SHISA6: variants seen among roughly 807,000 people sequenced by gnomAD.
SHISA6 encodes shisa family member 6, also known as protein shisa-6.
In SHISA6, 22 loss-of-function variants were observed where a neutral mutation model predicts 47.9. The observed-to-expected ratio is 0.46, with a 90% CI of 0.33 to 0.66. The LOEUF is 0.66. SHISA6 is among the 30% of genes least tolerant of loss of function. The probability of loss-of-function intolerance (pLI) is 0.02; values close to 1 mark genes in which losing one functional copy is unlikely to be tolerated. For synonymous variants in SHISA6, 388 were observed against 337.8 expected (o/e 1.15, Z -1.63); for missense variants, 680 against 764.6 (o/e 0.89, Z 1.30).
At chr17:11,322,718 G>A (rs1012736224) in intron 2 of SHISA6, among the ~76,000 whole-genome samples, 17 of 152,092 alleles carry the variant, frequency 1.1e-4, no homozygotes, top group African/African-American at 3.9e-4. Flanking sequence ...AATTTCTTAT[G>A]TGCATACATG....
At chr17:11,281,308 C>G (rs1292522171) in intron 2 of SHISA6, among the ~76,000 whole-genome samples, 1 of 152,110 alleles carries the variant, frequency 6.6e-6, no homozygotes, top group Non-Finnish European at 1.5e-5. Context: ...TGCCCTTTAT[C>G]AAATAGGAAG....
intron 2 of SHISA6, among the ~76,000 whole-genome samples, chr17:11,330,300 C>A (rs1006037751): frequency 2.0e-5 from 3 of 152,062 alleles, no homozygotes; most frequent in African/African-American, 7.2e-5. Flanking sequence ...GAACAGCATT[C>A]TTGTGGAAAG....
At chr17:11,367,143 G>C (rs185395558) in intron 2 of SHISA6, among the ~76,000 whole-genome samples, 64 of 152,262 alleles carry the variant, frequency 4.2e-4, no homozygotes, top group Non-Finnish European at 6.5e-4. Flanking sequence ...GAAATGGGAC[G>C]GTGACTTGGC....
chr17:11,311,138 C>T (rs1422711816), intron 2 of SHISA6, among the ~76,000 whole-genome samples: 13 of 144,938 alleles, frequency 9.0e-5, no homozygotes, highest in Non-Finnish European at 1.8e-4. Flanking sequence ...AAAAATTAGC[C>T]GGGTGTGGTG....
At chr17:11,450,394 C>T (rs372296831) in intron 3 of SHISA6, among the ~76,000 whole-genome samples, 1 of 152,064 alleles carries the variant, frequency 6.6e-6, no homozygotes. Context: ...CAGTGGCTCA[C>T]GCCTGTAATC....
chr17:11,453,811 CAA>C (rs1263681784), intron 3 of SHISA6, among the ~76,000 whole-genome samples: 1 of 152,142 alleles, frequency 6.6e-6, no homozygotes, highest in African/African-American at 2.4e-5. Context: ...CAAAAGGTTG[CAA>C]ACTTATGATT....
chr17:11,522,525 G>A (rs2071639530), intron 3 of SHISA6, among the ~76,000 whole-genome samples: 1 of 152,182 alleles, frequency 6.6e-6, no homozygotes. Context: ...AATTAGGATA[G>A]TCTAAGGGTG....
chr17:11,526,364 C>T (rs2071681430), intron 3 of SHISA6, among the ~76,000 whole-genome samples: 1 of 152,170 alleles, frequency 6.6e-6, no homozygotes, highest in African/African-American at 2.4e-5. Context: ...TGGCAAGAGT[C>T]CTTGCCTAGT....
At chr17:11,444,832 G>A (rs1046424873) in intron 3 of SHISA6, among the ~76,000 whole-genome samples, 1 of 152,146 alleles carries the variant, frequency 6.6e-6, no homozygotes, top group Non-Finnish European at 1.5e-5. Flanking sequence ...GACTCTGAAC[G>A]TCCTGGCAAC....
intron 3 of SHISA6, among the ~76,000 whole-genome samples, chr17:11,403,706 G>A (rs1415187326): frequency 2.0e-5 from 3 of 152,198 alleles, no homozygotes; most frequent in East Asian, 1.9e-4. Context: ...GACGGCACTG[G>A]TGGTGGCTTT....
At chr17:11,269,872 G>A (rs74867303) in intron 2 of SHISA6, among the ~76,000 whole-genome samples, 1,648 of 152,296 alleles carry the variant, frequency 0.011, 21 homozygotes, top group Non-Finnish European at 0.016. Flanking sequence ...ACACAAAAGC[G>A]AGACAATTTT....
intron 3 of SHISA6, among the ~76,000 whole-genome samples, chr17:11,427,775 T>A (rs1423347300): frequency 2.0e-5 from 3 of 151,250 alleles, no homozygotes; most frequent in African/African-American, 4.9e-5. Flanking sequence ...AAAACCCAAA[T>A]CCACCACATG....
intron 2 of SHISA6, among the ~76,000 whole-genome samples, chr17:11,276,058 A>G (rs1597435068): frequency 6.8e-6 from 1 of 147,298 alleles, no homozygotes; most frequent in Non-Finnish European, 1.5e-5. Flanking sequence ...GTTCACTGCA[A>G]CCTCCGCCTC....
rs868142334 is a variant in SHISA6 at position 11,558,452 on chromosome 17, A to C, written c.*148A>C. The C allele has an allele frequency of 8.1e-5, 73 of 898,144 alleles. No homozygotes were observed. In the African/African-American group the frequency reaches 9.6e-4, roughly 12 times the overall value. The allele number at this position is 898,144 out of a possible 1,614,324, so 55.6% of individuals were successfully genotyped here. ...GTGGGCCACCTTTGCCCAAAAAGCC[A>C]TACCCCCGGGGACACAGCCCCGATG... On this transcript the variant is annotated 3_prime_UTR_variant, in exon 6 of 6. Coordinates refer to ENST00000441885, the MANE Select transcript of SHISA6 (RefSeq NM_207386.4).
intron 3 of SHISA6, among the ~76,000 whole-genome samples, chr17:11,451,482 T>A (rs1216259279): frequency 2.6e-5 from 4 of 152,144 alleles, no homozygotes; most frequent in Admixed American, 1.3e-4. Flanking sequence ...AATAGTCAAG[T>A]AATTAAGTAA....
intron 2 of SHISA6, among the ~76,000 whole-genome samples, chr17:11,343,555 G>A (rs1240318975): frequency 7.2e-6 from 1 of 139,560 alleles, no homozygotes; most frequent in African/African-American, 3.4e-5. Context: ...CCCTGACGTT[G>A]TCTGCCTGGG....
At chr17:11,414,615 A>G (rs205016) in intron 3 of SHISA6, among the ~76,000 whole-genome samples, 137,867 of 152,156 alleles carry the variant, frequency 0.91, 62,523 homozygotes, top group Admixed American at 0.93. Context: ...TAAGGTATGA[A>G]AGGAGACCTT....
chr17:11,366,929 A>T (rs1416991826), intron 2 of SHISA6, among the ~76,000 whole-genome samples: 2 of 152,204 alleles, frequency 1.3e-5, no homozygotes, highest in Non-Finnish European at 2.9e-5. Flanking sequence ...ATTTTGGCAG[A>T]TATAATCAAA....
intron 3 of SHISA6, among the ~76,000 whole-genome samples, chr17:11,425,002 G>A (rs1169738052): frequency 5.5e-4 from 46 of 83,796 alleles, no homozygotes; most frequent in African/African-American, 2.3e-3. Context: ...GTGATACTCC[G>A]TCTCAAAAAA....
Sources: allele counts gnomAD v4.1 joint callset (sites outside exome capture counted in the v4.1 genomes callset), GRCh38; gene constraint gnomAD v4.1.1; transcripts MANE v1.5; gene names NCBI Gene and HGNC (gene_info 2026-07-23, HGNC 2026-07-21).